SH3KBP1: variants seen among roughly 807,000 people sequenced by gnomAD.
SH3KBP1 encodes the protein SH3 domain containing kinase binding protein 1, also known as SH3 domain-containing kinase-binding protein 1.
In SH3KBP1, 8 loss-of-function variants were observed where a neutral mutation model predicts 50.1. That is an observed-to-expected ratio of 0.16 (90% CI 0.09 to 0.29). The LOEUF is 0.29. Among genes scored for constraint, SH3KBP1 ranks in the 10% least tolerant of loss-of-function variants. SH3KBP1 has a pLI of 1.00. For missense variants in SH3KBP1, 377 were observed against 535.2 expected (o/e 0.70, Z 2.92); for synonymous variants, 227 against 218.6 (o/e 1.04, Z -0.34).
intron 4 of SH3KBP1, among the ~76,000 whole-genome samples, chrX:19,703,702 G>C (rs1343906074): frequency 6.1e-4 from 21 of 34,353 alleles, no homozygotes; most frequent in African/African-American, 3.2e-3. Context: ...GAAACTGTGT[G>C]TGTGTGTGTG....
chrX:19,559,523 A>G (rs1193536353), intron 13 of SH3KBP1, among the ~76,000 whole-genome samples: 1 of 107,256 alleles, frequency 9.3e-6, no homozygotes, highest in Non-Finnish European at 1.9e-5. Flanking sequence ...TAGAGACGGG[A>G]TTTCACCATA....
chrX:19,788,283 A>AC (rs2066417939), intron 2 of SH3KBP1, among the ~76,000 whole-genome samples: 1 of 91,505 alleles, frequency 1.1e-5, no homozygotes, highest in African/African-American at 3.9e-5. Context: ...AAAAAAAAAA[A>AC]AACAAAAAAA....
intron 13 of SH3KBP1, among the ~76,000 whole-genome samples, chrX:19,555,293 T>C (rs918797349): frequency 1.8e-5 from 2 of 111,669 alleles, no homozygotes; most frequent in Admixed American, 1.9e-4. Context: ...CACGATGGAG[T>C]TGGCTTGGAA....
At chrX:19,735,735 G>C (rs1165580353) in intron 3 of SH3KBP1, among the ~76,000 whole-genome samples, 2 of 68,095 alleles carry the variant, frequency 2.9e-5, no homozygotes, top group African/African-American at 5.6e-5. Context: ...GGGGGGGGGG[G>C]GTGGGGGGGA....
At chrX:19,822,031 G>A (rs1386417149) in intron 2 of SH3KBP1, among the ~76,000 whole-genome samples, 1 of 112,187 alleles carries the variant, frequency 8.9e-6, no homozygotes, top group Non-Finnish European at 1.9e-5. Context: ...TATTTTACAG[G>A]AGAAATTCAT....
chrX:19,596,629 C>G (rs1175066567), intron 9 of SH3KBP1, among the ~76,000 whole-genome samples: 1 of 112,147 alleles, frequency 8.9e-6, no homozygotes, highest in Admixed American at 9.4e-5. Flanking sequence ...TCTTTCAATA[C>G]TGGAGTCAAT....
At chrX:19,594,665 G>C (rs2066843650) in intron 10 of SH3KBP1, among the ~76,000 whole-genome samples, 1 of 110,248 alleles carries the variant, frequency 9.1e-6, no homozygotes, top group African/African-American at 3.3e-5. Flanking sequence ...ACCCAAACTT[G>C]TTTTTTTTGT....
chrX:19,851,694 G>A (rs2068513994), intron 1 of SH3KBP1, among the ~76,000 whole-genome samples: 1 of 111,631 alleles, frequency 9.0e-6, no homozygotes, highest in African/African-American at 3.3e-5. Flanking sequence ...CTGCCACCAT[G>A]CCCAGATAAT....
intron 3 of SH3KBP1, among the ~76,000 whole-genome samples, chrX:19,711,026 T>G (rs2063764404): frequency 9.0e-6 from 1 of 111,496 alleles, no homozygotes; most frequent in Non-Finnish European, 1.9e-5. Flanking sequence ...TGGGGTAGAT[T>G]ACTAACCCCC....
In SH3KBP1 at chrX:19,766,483, C is replaced by CTTTTTTTTTTTTTTT. The variant is rs61439964; in HGVS notation, c.163-20057_163-20043dup. Among the ~76,000 whole-genome samples the CTTTTTTTTTTTTTTT allele has an allele frequency of 3.1e-4, 7 of 22,589 alleles. 3 individuals are homozygous for CTTTTTTTTTTTTTTT. Among genetic ancestry groups the CTTTTTTTTTTTTTTT allele is most frequent in the African/African-American group, 1.2e-3 (7 of 5,879 alleles). 19.6% of individuals were successfully genotyped at this position (22,589 alleles called of 115,157 possible). ...TGCACTTTGAGTCTGTTGATTGCAT[C>CTTTTTTTTTTTTTTT]TTTTTTTTTTTTTTTTTTTTTTTTT... is the stretch of plus-strand genomic sequence containing the variant. On this transcript the variant is annotated intron_variant, in intron 2 of 17. Transcript: ENST00000397821.
intron 1 of SH3KBP1, among the ~76,000 whole-genome samples, chrX:19,870,981 G>A (rs969363705): frequency 6.3e-5 from 7 of 111,494 alleles, no homozygotes; most frequent in Admixed American, 9.5e-5. Context: ...TCCTTGTGAG[G>A]GGAACTTTAG....
chrX:19,827,565 C>A (rs912749077), intron 2 of SH3KBP1, among the ~76,000 whole-genome samples: 2 of 110,855 alleles, frequency 1.8e-5, no homozygotes, highest in Non-Finnish European at 3.8e-5. Flanking sequence ...GCTGTGGGTC[C>A]CTTCCAGGAG....
intron 2 of SH3KBP1, among the ~76,000 whole-genome samples, chrX:19,778,298 G>A (rs1039540013): frequency 9.1e-6 from 1 of 109,364 alleles, no homozygotes; most frequent in Non-Finnish European, 1.9e-5. Flanking sequence ...GGACACGATG[G>A]CGGGCGCCTG....
Position 19,697,372 on chromosome X carries a change from G to A in SH3KBP1, c.391-1631C>T, listed in dbSNP as rs1247432823. 2.8e-4 allele frequency among the ~76,000 whole-genome samples: 31 copies of A among 112,100 alleles called. No homozygotes were observed. The Admixed American group carries it at 2.9e-3, about 11-fold the overall frequency. On this transcript the variant is annotated intron_variant, in intron 4 of 17. Coordinates refer to ENST00000397821, the MANE Select transcript of SH3KBP1 (RefSeq NM_031892.3). ...TCCTGAAACTTAGTAGTTGTGTGAC[G>A]TTATGCAAATTTGTCCTACCAAAAT...
At chrX:19,604,101 C>T (rs1405683960) in intron 9 of SH3KBP1, among the ~76,000 whole-genome samples, 1 of 111,768 alleles carries the variant, frequency 8.9e-6, no homozygotes, top group African/African-American at 3.3e-5. Flanking sequence ...CGTTAGCCTT[C>T]TGTAACAATG....
At chrX:19,772,344 C>G (rs2065812411) in intron 2 of SH3KBP1, among the ~76,000 whole-genome samples, 1 of 111,076 alleles carries the variant, frequency 9.0e-6, no homozygotes, top group Non-Finnish European at 1.9e-5. Flanking sequence ...GTTAGCACCA[C>G]CTTTAACAGC....
intron 9 of SH3KBP1, among the ~76,000 whole-genome samples, chrX:19,602,468 C>T (rs2067118581): frequency 8.9e-6 from 1 of 111,919 alleles, no homozygotes; most frequent in Non-Finnish European, 1.9e-5. Context: ...GGGGCTGAGT[C>T]AATAGGCCAT....
At chrX:19,755,082 T>C (rs1216689634) in intron 2 of SH3KBP1, among the ~76,000 whole-genome samples, 1 of 111,845 alleles carries the variant, frequency 8.9e-6, no homozygotes, top group East Asian at 2.8e-4. Flanking sequence ...GTCAATAAAT[T>C]ACAGAATGGC....
At chrX:19,783,439 T>G (rs2147129547) in intron 2 of SH3KBP1, among the ~76,000 whole-genome samples, 1 of 111,940 alleles carries the variant, frequency 8.9e-6, no homozygotes, top group South Asian at 3.7e-4. Context: ...TTTGAAAATA[T>G]ACAATAAACT....
Sources: allele counts gnomAD v4.1 joint callset (sites outside exome capture counted in the v4.1 genomes callset), GRCh38; gene constraint gnomAD v4.1.1; transcripts MANE v1.5; gene names NCBI Gene and HGNC (gene_info 2026-07-23, HGNC 2026-07-21).